XPO7: variants seen among roughly 807,000 people sequenced by gnomAD.
The protein encoded by XPO7 is exportin-7.
In XPO7, 21 loss-of-function variants were observed where a neutral mutation model predicts 144.3. The observed-to-expected ratio is 0.15, with a 90% CI of 0.10 to 0.21. The LOEUF is 0.21. Among genes scored for constraint, XPO7 ranks in the 10% least tolerant of loss-of-function variants. The probability of loss-of-function intolerance (pLI) is 1.00; values close to 1 mark genes in which losing one functional copy is unlikely to be tolerated. For missense variants in XPO7, 808 were observed against 1,325.8 expected (o/e 0.61, Z 6.06); for synonymous variants, 580 against 499.6 (o/e 1.16, Z -2.15).
At chr8:21,980,045 C>T (rs1365687719) in intron 8 of XPO7, 39 bp from the exon 9 acceptor site, 2 of 1,526,864 alleles carry the variant, frequency 1.3e-6, no homozygotes, top group South Asian at 2.5e-5. Flanking sequence ...ACTGTACAGT[C>T]TTTTTAATCG....
intron 26 of XPO7, 62 bp downstream of exon 26, chr8:22,003,379 C>A: frequency 7.5e-7 from 1 of 1,339,374 alleles, no homozygotes; most frequent in South Asian, 1.3e-5. Context: ...CTTGGTATCA[C>A]CAAGCCCTGG....
chr8:21,989,913 G>A (rs6990535), intron 16 of XPO7, among the ~76,000 whole-genome samples: 28,245 of 129,614 alleles, frequency 0.22, 4,249 homozygotes, highest in African/African-American at 0.44. Context: ...GCAGTTGCGC[G>A]ATCTCGGCTC....
At chr8:21,974,294 T>C (rs746881240) in intron 5 of XPO7, among the ~76,000 whole-genome samples, 5 of 152,020 alleles carry the variant, frequency 3.3e-5, no homozygotes, top group Admixed American at 1.3e-4. Context: ...CTCCCAAAGT[T>C]CTAGAATTAC....
chr8:21,929,049 A>G (rs1297376574), intron 1 of XPO7, among the ~76,000 whole-genome samples: 1 of 152,226 alleles, frequency 6.6e-6, no homozygotes, highest in African/African-American at 2.4e-5. Context: ...CCAGCCCAGT[A>G]TGTTTCTAAC....
intron 19 of XPO7, 75 bp downstream of exon 19, chr8:21,992,049 T>C (rs1585476670): frequency 8.5e-7 from 1 of 1,176,444 alleles, no homozygotes; most frequent in East Asian, 2.5e-5. Context: ...CGTGCTTGAC[T>C]GTAAACTATC....
intron 1 of XPO7, among the ~76,000 whole-genome samples, chr8:21,922,260 C>T (rs1279167103): frequency 6.6e-6 from 1 of 152,140 alleles, no homozygotes; most frequent in African/African-American, 2.4e-5. Flanking sequence ...TCTTGGATAT[C>T]TCTCTTCTAA....
intron 23 of XPO7, 73 bp from the exon 24 acceptor site, chr8:21,999,463 A>G: frequency 6.3e-7 from 1 of 1,598,052 alleles, no homozygotes; most frequent in Non-Finnish European, 8.5e-7. Flanking sequence ...GAGCTAAGCT[A>G]TTTAAGATCG....
intron 1 of XPO7, among the ~76,000 whole-genome samples, chr8:21,959,870 G>A (rs866713920): frequency 1.2e-4 from 19 of 152,278 alleles, no homozygotes; most frequent in Admixed American, 2.6e-4. Context: ...ACAGTCATAC[G>A]TTAAGACCGG....
In XPO7 at chr8:22,005,337, T is replaced by A; in HGVS notation, c.*249T>A. ...GTGGGAGGAGATAAGAGATACAAAC[T>A]GAGACTCCAGCCTCTCCTCCTGGGG... On this transcript the variant is annotated 3_prime_UTR_variant, in exon 28 of 28. Coordinates refer to ENST00000252512, the MANE Select transcript of XPO7 (RefSeq NM_015024.5). 3.1e-6 allele frequency: 1 copy of A among 317,976 alleles called. No homozygotes were observed. Among genetic ancestry groups the A allele is most frequent in the Non-Finnish European group, 5.7e-6 (1 of 173,948 alleles). 19.7% of individuals were successfully genotyped at this position (317,976 alleles called of 1,614,324 possible).
intron 12 of XPO7, among the ~76,000 whole-genome samples, chr8:21,985,318 A>T (rs1812544030): frequency 6.6e-6 from 1 of 152,206 alleles, no homozygotes; most frequent in African/African-American, 2.4e-5. Context: ...TGTTTGTAAC[A>T]TGGCACTGTG....
intron 1 of XPO7, among the ~76,000 whole-genome samples, chr8:21,961,275 T>C (rs1198303831): frequency 1.3e-5 from 2 of 151,490 alleles, no homozygotes; most frequent in Non-Finnish European, 2.9e-5. Context: ...AGTGGCATGA[T>C]CACAGCTCAC....
chr8:21,942,024 T>A (rs1012068626), intron 1 of XPO7, among the ~76,000 whole-genome samples: 5 of 152,214 alleles, frequency 3.3e-5, no homozygotes, highest in African/African-American at 4.8e-5. Flanking sequence ...TAATGGTTAC[T>A]TAACATCAGG....
chr8:21,963,674 G>A (rs1258860880), intron 1 of XPO7, among the ~76,000 whole-genome samples: 1 of 147,100 alleles, frequency 6.8e-6, no homozygotes, highest in African/African-American at 2.6e-5. Flanking sequence ...CAGCCTGGGC[G>A]ACAGAGTGAG....
At chr8:21,931,600 A>C (rs938487281) in intron 1 of XPO7, among the ~76,000 whole-genome samples, 3 of 152,234 alleles carry the variant, frequency 2.0e-5, no homozygotes, top group African/African-American at 4.8e-5. Flanking sequence ...ATAGGCATGC[A>C]TTTAATTTAT....
At chr8:21,930,871 T>C (rs755593191) in intron 1 of XPO7, among the ~76,000 whole-genome samples, 11 of 152,212 alleles carry the variant, frequency 7.2e-5, no homozygotes, top group Non-Finnish European at 1.3e-4. Flanking sequence ...TCAGATACTG[T>C]TGCCCAAGCT....
chr8:21,941,359 C>T (rs1810987339), intron 1 of XPO7, among the ~76,000 whole-genome samples: 1 of 151,984 alleles, frequency 6.6e-6, no homozygotes, highest in African/African-American at 2.4e-5. Flanking sequence ...GCCCTGTTAC[C>T]CAGGCTGGTC....
At chr8:21,947,753 A>G (rs765766211) in intron 1 of XPO7, among the ~76,000 whole-genome samples, 1 of 152,228 alleles carries the variant, frequency 6.6e-6, no homozygotes, top group Non-Finnish European at 1.5e-5. Flanking sequence ...TCATCAAAAG[A>G]TGAGCATATG....
At chr8:21,979,758 A>G (rs879265709) in intron 8 of XPO7, among the ~76,000 whole-genome samples, 3 of 152,190 alleles carry the variant, frequency 2.0e-5, no homozygotes, top group Non-Finnish European at 2.9e-5. Flanking sequence ...TAACATCTAC[A>G]TGTCAAACTC....
chr8:21,935,803 G>A (rs997874563), intron 1 of XPO7, among the ~76,000 whole-genome samples: 1 of 125,334 alleles, frequency 8.0e-6, no homozygotes, highest in African/African-American at 3.3e-5. Flanking sequence ...CCCATGCAGA[G>A]TCCACGTGAG....
Sources: allele counts gnomAD v4.1 joint callset (sites outside exome capture counted in the v4.1 genomes callset), GRCh38; gene constraint gnomAD v4.1.1; transcripts MANE v1.5; gene names NCBI Gene and HGNC (gene_info 2026-07-23, HGNC 2026-07-21).